The following CSMD1 variants were observed in gnomAD, a reference collection of about 807,000 sequenced individuals.
The protein encoded by CSMD1 is CUB and Sushi multiple domains 1, also known as CUB and sushi domain-containing protein 1.
A neutral mutation model predicts 417.5 loss-of-function variants in CSMD1; 213 were observed. The observed-to-expected ratio is 0.51, with a 90% CI of 0.46 to 0.57. CSMD1 has a LOEUF of 0.57. Ranked by LOEUF, CSMD1 falls within the 20% of genes least tolerant of loss-of-function variation. The pLI, the probability that CSMD1 is intolerant of heterozygous loss-of-function variation, is 0.00. For synonymous variants in CSMD1, 2,862 were observed against 1,736.8 expected (o/e 1.65, Z -16.11); for missense variants, 6,923 against 4,529.7 (o/e 1.53, Z -15.17).
rs561265467 is a variant in CSMD1 at position 3,697,960 on chromosome 8, C to G, written c.1009+10454G>C. On this transcript the variant is annotated intron_variant, in intron 7 of 69. Transcript: ENST00000635120. The stretch of plus-strand genomic sequence containing the variant: ...TTGTATGCTGAAACCACTTGAAAAG[C>G]ATTTTACTTCTATGGTTACAATTCA... Among the ~76,000 whole-genome samples, 3 of 152,262 alleles carry G rather than the reference C, an allele frequency of 2.0e-5. No homozygotes were observed. The East Asian group carries it at 5.8e-4, about 29-fold the overall frequency.
At chr8:4,100,815 G>C (rs1005845041) in intron 3 of CSMD1, among the ~76,000 whole-genome samples, 1 of 152,106 alleles carries the variant, frequency 6.6e-6, no homozygotes, top group African/African-American at 2.4e-5. Context: ...AAAGTTAAAA[G>C]TTAAACATGT....
intron 1 of CSMD1, among the ~76,000 whole-genome samples, chr8:4,643,755 A>G (rs933209351): frequency 2.4e-4 from 37 of 152,184 alleles, no homozygotes; most frequent in African/African-American, 8.9e-4. Flanking sequence ...CTACAGTTTC[A>G]GGGGTTATTC....
At chr8:3,727,316 C>G (rs1365056216) in intron 6 of CSMD1, among the ~76,000 whole-genome samples, 1 of 152,128 alleles carries the variant, frequency 6.6e-6, no homozygotes, top group Non-Finnish European at 1.5e-5. Flanking sequence ...CAGAGCCTCC[C>G]GCCTGAACGG....
At chr8:3,114,834 T>C (rs1424645896) in intron 42 of CSMD1, among the ~76,000 whole-genome samples, 1 of 152,194 alleles carries the variant, frequency 6.6e-6, no homozygotes, top group Non-Finnish European at 1.5e-5. Flanking sequence ...GCATTTCTCA[T>C]GTCAATTTTG....
At chr8:3,527,224 A>C (rs1469402446) in intron 10 of CSMD1, among the ~76,000 whole-genome samples, 1 of 152,166 alleles carries the variant, frequency 6.6e-6, no homozygotes, top group African/African-American at 2.4e-5. Flanking sequence ...ACTCAGAACC[A>C]AATGTTAATT....
At chr8:4,538,352 T>C (rs928305446) in intron 2 of CSMD1, among the ~76,000 whole-genome samples, 3 of 152,148 alleles carry the variant, frequency 2.0e-5, no homozygotes, top group African/African-American at 7.2e-5. Context: ...CTAACTTTTT[T>C]TTTTAAAAGG....
At chr8:4,522,736 G>A (rs118008474) in intron 2 of CSMD1, among the ~76,000 whole-genome samples, 1,976 of 152,148 alleles carry the variant, frequency 0.013, 31 homozygotes, top group Non-Finnish European at 0.021. Context: ...CTATCCACAC[G>A]TGCCTGGGAG....
At chr8:3,087,364 TA>T (rs1180809997) in intron 48 of CSMD1, 79 bp from the exon 49 acceptor site, 1 of 1,393,132 alleles carries the variant, frequency 7.2e-7, no homozygotes, top group African/African-American at 1.4e-5. Context: ...TGAGAGTCTA[TA>T]AATGAATGGC....
chr8:3,386,831 C>T (rs957873870), intron 18 of CSMD1, among the ~76,000 whole-genome samples: 1 of 151,968 alleles, frequency 6.6e-6, no homozygotes, highest in African/African-American at 2.4e-5. Context: ...GGCAAAATAC[C>T]CCAAGTTTTT....
At chr8:3,711,367 G>C (rs1801499881) in intron 6 of CSMD1, among the ~76,000 whole-genome samples, 1 of 152,168 alleles carries the variant, frequency 6.6e-6, no homozygotes, top group Admixed American at 6.5e-5. Context: ...GGGCTGGCCA[G>C]AGGGTGGCTG....
intron 3 of CSMD1, among the ~76,000 whole-genome samples, chr8:4,268,350 A>G (rs780329144): frequency 6.6e-6 from 1 of 152,142 alleles, no homozygotes; most frequent in African/African-American, 2.4e-5. Flanking sequence ...TTTTTGACTA[A>G]TGTTTTCCTC....
In CSMD1 at chr8:3,106,605, G is replaced by A; in HGVS notation, c.6872C>T (p.Thr2291Ile). Residue 2291 changes from threonine to isoleucine, a missense_variant, in exon 46 of 70, where the codon ACC becomes ATC. Thr to Ile is a moderately conservative substitution (Grantham distance 89). Transcript: ENST00000635120. ...AGTCAGAATGTCGGTCCCCACCAAGGTGTACCCGGGGTGGCACTGGTACTT... is the reference window on the plus strand; with the variant it reads ...AGTCAGAATGTCGGTCCCCACCAAGATGTACCCGGGGTGGCACTGGTACTT... ...FVKYQCHPGYTLVGTDILTCK... is the reference protein window; with the variant it reads ...FVKYQCHPGYILVGTDILTCK... The A allele has an allele frequency of 6.2e-7, 1 of 1,613,718 alleles. No homozygotes were observed. The highest frequency in any genetic ancestry group is 8.5e-7 in the Non-Finnish European group (1 of 1,179,772).
chr8:3,963,745 A>G (rs1812487278), intron 5 of CSMD1, among the ~76,000 whole-genome samples: 1 of 152,326 alleles, frequency 6.6e-6, no homozygotes, highest in Admixed American at 6.5e-5. Flanking sequence ...CAAAAGCTAT[A>G]TGAATATCAC....
intron 1 of CSMD1, among the ~76,000 whole-genome samples, chr8:4,877,035 C>T (rs2116938557): frequency 6.6e-6 from 1 of 152,084 alleles, no homozygotes; most frequent in South Asian, 2.1e-4. Flanking sequence ...AAATAAAAGG[C>T]ATCCTCCTTA....
intron 1 of CSMD1, among the ~76,000 whole-genome samples, chr8:4,868,128 T>G (rs1250304168): frequency 6.6e-6 from 1 of 152,122 alleles, no homozygotes; most frequent in East Asian, 1.9e-4. Context: ...TTGCCTTACC[T>G]GCAAAATTGA....
chr8:3,737,665 AC>A (rs760580155), intron 6 of CSMD1, among the ~76,000 whole-genome samples: 83 of 152,324 alleles, frequency 5.4e-4, no homozygotes, highest in South Asian at 1.2e-3. Context: ...ATCCACACTG[AC>A]CAGGAAAATC....
chr8:3,689,818 G>T (rs1271930204), intron 7 of CSMD1, among the ~76,000 whole-genome samples: 2 of 152,184 alleles, frequency 1.3e-5, no homozygotes, highest in East Asian at 3.9e-4. Context: ...GAGACACCAT[G>T]ATTCCAAACT....
rs1239397766 is a variant in CSMD1 at position 3,308,440 on chromosome 8, T to G, written c.3695A>C (p.Glu1232Ala). The part of the protein sequence containing the change: ...IPNYGYRIRD[E>A]GHFTDTVVLY... ...AACTACAGTGTCGGTAAAGTGGCCT[T>G]CATCACGGATCCTATAGCCGTAGTT... The change falls in exon 24 of 70, where the codon GAA (glutamate) becomes GCA (alanine). Residue 1232 changes from glutamate to alanine, a missense_variant. Physicochemically the swap from Glu to Ala is moderately radical, Grantham distance 107. Coordinates refer to ENST00000635120, the MANE Select transcript of CSMD1 (RefSeq NM_033225.6). The G allele has an allele frequency of 6.2e-7, 1 of 1,613,682 alleles. No individual in the cohort carries two copies. The highest frequency in any genetic ancestry group is 8.5e-7 in the Non-Finnish European group (1 of 1,179,816).
chr8:3,390,128 G>A (rs1479452376), intron 17 of CSMD1, among the ~76,000 whole-genome samples: 1 of 152,032 alleles, frequency 6.6e-6, no homozygotes, highest in East Asian at 1.9e-4. Context: ...GCCGAGGTGG[G>A]TGGATCACCT....
Sources: gnomAD v4.1 joint callset for allele counts (sites outside exome capture counted in the v4.1 genomes callset) on GRCh38, gnomAD v4.1.1 for gene constraint, MANE v1.5 for transcripts, NCBI Gene and HGNC (gene_info 2026-07-23, HGNC 2026-07-21) for gene names.